NLRP4: variants seen among roughly 807,000 people sequenced by gnomAD.
NLRP4 encodes NACHT, LRR and PYD domains-containing protein 4.
In NLRP4, 44 loss-of-function variants were observed where a neutral mutation model predicts 84.7. The observed-to-expected ratio is 0.52, with a 90% confidence interval of 0.41 to 0.67. The LOEUF (loss-of-function observed/expected upper bound fraction) is 0.67, where lower values mean the gene tolerates loss of function less well. Among genes scored for constraint, NLRP4 ranks in the 30% least tolerant of loss-of-function variants. The pLI is 0.00. For synonymous variants in NLRP4, 544 were observed against 476.4 expected, an observed-to-expected ratio of 1.14 and a Z score of -1.85; for missense variants, 1,260 against 1,219.4, an observed-to-expected ratio of 1.03 and a Z score of -0.50.
intron 3 of NLRP4, among the ~76,000 whole-genome samples, chr19:55,860,075 T>A (rs1984686427): frequency 6.9e-6 from 1 of 145,156 alleles, no homozygotes; most frequent in Non-Finnish European, 1.5e-5. Flanking sequence ...AAGCTCCGCC[T>A]CCCAGGTTCA....
chr19:55,843,398 A>T (rs1402060370), intron 1 of NLRP4, among the ~76,000 whole-genome samples: 1 of 151,962 alleles, frequency 6.6e-6, no homozygotes, highest in African/African-American at 2.4e-5. Flanking sequence ...TGGTTAATAG[A>T]AACATCCAGG....
At chr19:55,856,625 C>T (rs559239689) in intron 2 of NLRP4, among the ~76,000 whole-genome samples, 91 of 150,604 alleles carry the variant, frequency 6.0e-4, no homozygotes, top group African/African-American at 2.2e-3. Flanking sequence ...AAGCGATTCT[C>T]CTGCCTCAGC....
At chr19:55,842,184 T>A (rs1262296523) in intron 1 of NLRP4, among the ~76,000 whole-genome samples, 1 of 152,222 alleles carries the variant, frequency 6.6e-6, no homozygotes, top group Non-Finnish European at 1.5e-5. Flanking sequence ...ACTTTCGTTT[T>A]TCCGTTCTTA....
chr19:55,864,802 C>T (rs1984891540), intron 5 of NLRP4, among the ~76,000 whole-genome samples: 1 of 152,010 alleles, frequency 6.6e-6, no homozygotes, highest in South Asian at 2.1e-4. Flanking sequence ...AGGAGCATCT[C>T]ATTGTGGTTT....
intron 9 of NLRP4, 26 bp downstream of exon 9, chr19:55,878,990 T>A: frequency 6.3e-7 from 1 of 1,581,964 alleles, no homozygotes; most frequent in Non-Finnish European, 8.6e-7. Flanking sequence ...TTGTGCTCTA[T>A]GGGCAGAGTG....
intron 2 of NLRP4, chr19:55,857,363 T>A: frequency 3.1e-5 from 10 of 323,710 alleles, no homozygotes; most frequent in East Asian, 4.4e-5. Flanking sequence ...GTGTGTCTAT[T>A]GAAAGCAGAA....
chr19:55,870,827 G>T lies in NLRP4; in HGVS notation c.2355G>T (p.Met785Ile), dbSNP rs888703763. 1.2e-6 allele frequency: 2 copies of T among 1,612,740 alleles called. No individual in the cohort carries two copies. The highest frequency in any genetic ancestry group is 1.7e-6 in the Non-Finnish European group (2 of 1,178,880). Residue 785 changes from methionine (M) to isoleucine (I), a missense_variant and splice_region_variant, in exon 7 of 10, where the codon ATG (methionine) becomes ATT (isoleucine). Physicochemically the swap from Met to Ile is conservative, Grantham distance 10. This residue lies in a region of NLRP4 where 544 missense variants were observed against 531.7 expected (regional missense o/e 1.02). Transcript: ENST00000301295. ...CSPDTVLVYL[M>I]LAFCHLSEQC... ...CCTTCTCGTGTTTTTGTCCCCATAG[G>T]TTGGCTTTCTGCCACCTCAGCGAGC...
rs1348262249 is a variant in NLRP4 at position 55,859,184 on chromosome 19, C to T, written c.1791C>T (p.Ser597=). Reference sequence around the variant, plus strand: ...CTGCCTACTGCTTAAAATACTGCTCCAGCTTGAGGAAACTCTGTTTTTCCG... The same window carrying T: ...CTGCCTACTGCTTAAAATACTGCTCTAGCTTGAGGAAACTCTGTTTTTCCG... ...VVSAYCLKYC[S]SLRKLCFSVQ... is the part of the protein sequence containing the mutation. Residue 597 remains serine, a synonymous_variant, in exon 3 of 10, where the codon TCC becomes TCT. Coordinates refer to ENST00000301295, the MANE Select transcript of NLRP4 (RefSeq NM_134444.5). The T allele has an allele frequency of 2.5e-6, 4 of 1,610,734 alleles. No individual in the cohort carries two copies. Among genetic ancestry groups the T allele is most frequent in the Admixed American group, 1.7e-5 (1 of 59,974 alleles).
intron 1 of NLRP4, among the ~76,000 whole-genome samples, chr19:55,846,875 C>G (rs186538802): frequency 4.9e-4 from 75 of 152,288 alleles, no homozygotes; most frequent in African/African-American, 1.7e-3. Context: ...ACCTTTCCAT[C>G]ATCATATTCT....
chr19:55,871,574 ATGT>A (rs1178449315), intron 7 of NLRP4, among the ~76,000 whole-genome samples: 6 of 152,240 alleles, frequency 3.9e-5, no homozygotes, highest in Admixed American at 1.3e-4. Context: ...TTAGGATAAC[ATGT>A]TGTTATGTAT....
Position 55,877,060 on chromosome 19 carries a change from C to A in NLRP4, c.2590C>A (p.Gln864Lys). The A allele has an allele frequency of 6.2e-7, 1 of 1,614,066 alleles. No individual in the cohort carries two copies. Among genetic ancestry groups the A allele is most frequent in the South Asian group, 1.1e-5 (1 of 91,062 alleles). The change falls in exon 8 of 10, where the codon CAA becomes AAA. Residue 864 changes from glutamine to lysine, a missense_variant. Physicochemically the swap from Gln to Lys is moderately conservative, Grantham distance 53. Transcript: ENST00000301295. ...EDLASALISNQNLKILQIGCN... is the reference protein window; with the variant it reads ...EDLASALISNKNLKILQIGCN... ...CCTCGCCTCTGCTCTCATCAGCAATCAAAACCTGAAGATTCTGCAAATTGG... is the reference window on the plus strand; with the variant it reads ...CCTCGCCTCTGCTCTCATCAGCAATAAAAACCTGAAGATTCTGCAAATTGG...
rs2123040637 is a variant in NLRP4 at position 55,861,427 on chromosome 19, T to C, written c.1898T>C (p.Val633Ala). ...ATCTGTTGGCATCACATCTGCTCTG[T>C]GCTCACCACCAGCGGGCACCTCAGA... ...SLICWHHICS[V>A]LTTSGHLREL... The change falls in exon 4 of 10, where the codon GTG becomes GCG. Residue 633 changes from valine to alanine, a missense_variant. Val to Ala is a moderately conservative substitution (Grantham distance 64, BLOSUM62 0). This residue lies in a region of NLRP4 where 544 missense variants were observed against 531.7 expected (regional missense o/e 1.02). Coordinates refer to ENST00000301295, the MANE Select transcript of NLRP4 (RefSeq NM_134444.5). The C allele has an allele frequency of 6.2e-7, 1 of 1,614,190 alleles. No homozygotes were observed. The highest frequency in any genetic ancestry group is 8.5e-7 in the Non-Finnish European group (1 of 1,180,006).
chr19:55,872,564 T>C (rs987816028), intron 7 of NLRP4, among the ~76,000 whole-genome samples: 1 of 152,098 alleles, frequency 6.6e-6, no homozygotes, highest in African/African-American at 2.4e-5. Flanking sequence ...ATTATAAATA[T>C]AATAACTGAC....
rs141176908 is a variant in NLRP4, at chr19:55,842,704, A to T, written c.-66+5770A>T. ...AATTTTCAAAATTTCCTATAGTGTA[A>T]GTCTTCTGTTGGAAAATTTGTCATT... On this transcript the variant is annotated intron_variant, in intron 1 of 9. Coordinates refer to ENST00000301295, the MANE Select transcript of NLRP4 (RefSeq NM_134444.5). Among the ~76,000 whole-genome samples the T allele has an allele frequency of 3.1e-4, 47 of 151,006 alleles. 1 individual carries two copies. Among genetic ancestry groups the T allele is most frequent in the Admixed American group, 3.0e-3 (46 of 15,186 alleles).
At chr19:55,880,018 C>A (rs12974982) in intron 9 of NLRP4, among the ~76,000 whole-genome samples, 23,077 of 151,808 alleles carry the variant, frequency 0.15, 1,974 homozygotes, top group East Asian at 0.36. Context: ...ACTATAGAGT[C>A]CTTAACATTT....
chr19:55,869,383 CA>C (rs34026493), intron 6 of NLRP4, among the ~76,000 whole-genome samples: 100,708 of 148,886 alleles, frequency 0.68, 34,152 homozygotes, highest in East Asian at 0.83. Context: ...AAAAATAAAC[CA>C]AAAAAAAAAC....
At chr19:55,879,083 G>A (rs1320174181) in intron 9 of NLRP4, 119 bp downstream of exon 9, 2 of 778,934 alleles carry the variant, frequency 2.6e-6, no homozygotes, top group Admixed American at 2.8e-5. Flanking sequence ...TTGTCTCAGG[G>A]TTGTTGCAGG....
At chr19:55,840,344 A>ATGTGTATGTGTGTGTGTG (rs1555806406) in intron 1 of NLRP4, among the ~76,000 whole-genome samples, 5 of 119,656 alleles carry the variant, frequency 4.2e-5, no homozygotes, top group African/African-American at 1.6e-4. Flanking sequence ...GTGTATGTGT[A>ATGTGTATGTGTGTGTGTG]TGTGTGTGTG....
chr19:55,879,341 G>A (rs302454), intron 9 of NLRP4, among the ~76,000 whole-genome samples: 96,567 of 151,890 alleles, frequency 0.64, 31,220 homozygotes, highest in East Asian at 0.81. Flanking sequence ...GAGGGGTCTC[G>A]GAAAAATGGA....
Sources: allele counts gnomAD v4.1 joint callset (sites outside exome capture counted in the v4.1 genomes callset), GRCh38; gene constraint gnomAD v4.1.1; regional missense constraint gnomAD v4.1.1; transcripts MANE v1.5; gene names NCBI Gene and HGNC (gene_info 2026-07-23, HGNC 2026-07-21).